The following TPRA1 variants were observed in gnomAD, a reference collection of about 807,000 sequenced individuals.
TPRA1 encodes transmembrane protein adipocyte associated 1.
A neutral mutation model predicts 40.1 loss-of-function variants in TPRA1; 28 were observed. That is an observed-to-expected ratio of 0.70 (90% CI 0.52 to 0.96). The LOEUF is 0.96. Ranked by LOEUF, TPRA1 falls within the 40% of genes least tolerant of loss-of-function variation. The probability of loss-of-function intolerance (pLI) is 0.00; values close to 1 mark genes in which losing one functional copy is unlikely to be tolerated. For missense variants in TPRA1, 441 were observed against 482.6 expected (o/e 0.91, Z 0.81); for synonymous variants, 219 against 209.7 (o/e 1.04, Z -0.38).
chr3:127,578,988 GAGCCCACACCCGAAGCCCACACCTGGAC>G lies in TPRA1; in HGVS notation c.258+724_258+751del, dbSNP rs568018613. Among the ~76,000 whole-genome samples the G allele has an allele frequency of 7.4e-3, 1,125 of 151,588 alleles. 13 individuals are homozygous for G. The highest frequency in any genetic ancestry group is 0.023 in the African/African-American group (961 of 41,304). On this transcript the variant is annotated intron_variant, in intron 3 of 10. Transcript: ENST00000355552. The stretch of plus-strand genomic sequence containing the variant: ...CCCGCACCGGAAGCCTACACCTGGA[GAGCCCACACCCGAAGCCCACACCTGGAC>G]AGCCCACACCTGAAGCCCACACCTG...
intron 10 of TPRA1, among the ~76,000 whole-genome samples, chr3:127,574,337 G>A (rs994114958): frequency 2.6e-5 from 4 of 152,238 alleles, no homozygotes; most frequent in African/African-American, 9.6e-5. Context: ...CCAGGTGGGA[G>A]GCTGATCCCC....
upstream of TPRA1, among the ~76,000 whole-genome samples, chr3:127,594,077 T>A (rs553179860): frequency 6.6e-6 from 1 of 152,358 alleles, no homozygotes; most frequent in Admixed American, 6.5e-5. Flanking sequence ...GAAAACTTGA[T>A]GAGACATATG....
chr3:127,581,014 C>T lies in TPRA1; in HGVS notation c.-17-851G>A, dbSNP rs112650372. Among the ~76,000 whole-genome samples, 107 of 152,258 alleles carry T rather than the reference C, an allele frequency of 7.0e-4. 1 individual carries two copies. Among genetic ancestry groups the T allele is most frequent in the African/African-American group, 2.5e-3 (102 of 41,532 alleles). On this transcript the variant is annotated intron_variant, in intron 1 of 10. Transcript: ENST00000355552. ...GAGTCTAGCCTGGAAGACAGGAGAG[C>T]TGGTGGTCTGGGGTCCTGGGAACCA...
rs770508144 is a variant in TPRA1 at position 127,573,677 on chromosome 3, A to G, written c.966T>C (p.Ala322=). 5.0e-6 allele frequency: 8 copies of G among 1,613,616 alleles called. No homozygotes were observed. Among genetic ancestry groups the G allele is most frequent in the Non-Finnish European group, 6.8e-6 (8 of 1,179,960 alleles). The part of the protein sequence containing the change: ...YAVARREGLE[A]AGAAGASAAS... ...CAGCTGAGGCCCCAGCAGCCCCTGC[A>G]GCCTCCAGGCCCTCCCGCCGGGCCA... Residue 322 remains alanine (A), a synonymous_variant, in exon 11 of 11, where the codon GCT becomes GCC. Transcript: ENST00000355552.
At chr3:127,575,639 G>C (rs2073586667) in intron 8 of TPRA1, 110 bp downstream of exon 8, 1 of 1,511,550 alleles carries the variant, frequency 6.6e-7, no homozygotes, top group African/African-American at 1.4e-5. Context: ...GGGCTCTCCA[G>C]CTCCCAGCCT....
intron 3 of TPRA1, among the ~76,000 whole-genome samples, chr3:127,577,933 C>A (rs2107632925): frequency 6.6e-6 from 1 of 152,296 alleles, no homozygotes; most frequent in Non-Finnish European, 1.5e-5. Context: ...AGACGGACAG[C>A]ATGCAAGCCT....
chr3:127,589,433 G>A lies in TPRA1; in HGVS notation c.-18+977C>T, dbSNP rs186190174. ...GGGCCTAAGGGTGGTGAGAAGGGGTGGAGCCCAGGGGTGACAAGGTGGGGA... is the reference window on the plus strand; with the variant it reads ...GGGCCTAAGGGTGGTGAGAAGGGGTAGAGCCCAGGGGTGACAAGGTGGGGA... On this transcript the variant is annotated intron_variant, in intron 1 of 10. Coordinates refer to ENST00000355552, the MANE Select transcript of TPRA1 (RefSeq NM_001136053.4). Among the ~76,000 whole-genome samples the A allele has an allele frequency of 2.7e-3, 409 of 152,300 alleles. 2 individuals are homozygous for A. Among genetic ancestry groups the A allele is most frequent in the Non-Finnish European group, 4.1e-3 (280 of 68,012 alleles).
At chr3:127,590,312 G>T (rs894937004) in intron 1 of TPRA1, 98 bp downstream of exon 1, 1 of 152,232 alleles carries the variant, frequency 6.6e-6, no homozygotes, top group Non-Finnish European at 1.5e-5. Context: ...GCCGCTCGCG[G>T]AGCAAGGAGG....
intron 1 of TPRA1, chr3:127,587,973 C>A: frequency 6.6e-6 from 1 of 152,634 alleles, no homozygotes; most frequent in Non-Finnish European, 1.5e-5. Context: ...GTAGTAACCT[C>A]TGTGCCTAAC....
intron 1 of TPRA1, among the ~76,000 whole-genome samples, chr3:127,587,759 C>G (rs2074043093): frequency 6.6e-6 from 1 of 151,302 alleles, no homozygotes; most frequent in Non-Finnish European, 1.5e-5. Flanking sequence ...TCACTGCAAC[C>G]TCCACCTCCC....
rs751848757 is a variant in TPRA1, at chr3:127,575,895, G to A, written c.609+45C>T. Reference sequence around the variant, plus strand: ...AACCCAGGAATCCAATCCCTACCTGGCCCTAAGGCCCCAGCCACCCCAGCT... The same window carrying A: ...AACCCAGGAATCCAATCCCTACCTGACCCTAAGGCCCCAGCCACCCCAGCT... On this transcript the variant is annotated intron_variant, in intron 7 of 10. Transcript: ENST00000355552. The A allele has an allele frequency of 8.1e-6, 13 of 1,609,752 alleles. No homozygotes were observed. In the South Asian group the frequency reaches 1.3e-4, roughly 16 times the overall value.
chr3:127,593,138 G>C (rs9809999), upstream of TPRA1, among the ~76,000 whole-genome samples: 11,116 of 152,250 alleles, frequency 0.073, 1,222 homozygotes, highest in African/African-American at 0.23. Flanking sequence ...AAAGGTATCT[G>C]CCTTTGAGAG....
At chr3:127,592,547 G>A (rs1202895842), upstream of TPRA1, among the ~76,000 whole-genome samples, 1 of 151,172 alleles carries the variant, frequency 6.6e-6, no homozygotes, top group Non-Finnish European at 1.5e-5. Flanking sequence ...CACCGCGCCC[G>A]GCTAATTTTT....
intron 10 of TPRA1, 55 bp downstream of exon 10, chr3:127,575,130 A>C: frequency 6.3e-7 from 1 of 1,576,944 alleles, no homozygotes; most frequent in Non-Finnish European, 8.7e-7. Context: ...CCATGCTGGA[A>C]GAAGGCGCAG....
At chr3:127,589,404 C>T (rs1416385426) in intron 1 of TPRA1, among the ~76,000 whole-genome samples, 2 of 147,560 alleles carry the variant, frequency 1.4e-5, no homozygotes, top group African/African-American at 5.0e-5. Flanking sequence ...GCTTACAAAC[C>T]CTAGGGCCTA....
chr3:127,581,591 T>C (rs923543714), intron 1 of TPRA1, among the ~76,000 whole-genome samples: 1 of 152,006 alleles, frequency 6.6e-6, no homozygotes, highest in Non-Finnish European at 1.5e-5. Flanking sequence ...TCCTAAGTCA[T>C]AGGTGTACTT....
At chr3:127,584,934 A>G (rs1214495554) in intron 1 of TPRA1, among the ~76,000 whole-genome samples, 1 of 152,098 alleles carries the variant, frequency 6.6e-6, no homozygotes, top group Non-Finnish European at 1.5e-5. Context: ...CGACAGTGGG[A>G]GCAAGAGCAG....
intron 3 of TPRA1, among the ~76,000 whole-genome samples, chr3:127,578,207 C>A (rs888858045): frequency 2.0e-5 from 3 of 152,224 alleles, no homozygotes; most frequent in Admixed American, 6.5e-5. Context: ...GTCAGCAGGG[C>A]AGGCAGTAAA....
rs1337876756 is a variant in TPRA1, at chr3:127,575,789, G to A, written c.630C>T (p.Ile210=). 6.2e-7 allele frequency: 1 copy of A among 1,613,866 alleles called. No homozygotes were observed. The highest frequency in any genetic ancestry group is 1.7e-5 in the Admixed American group (1 of 60,020). The part of the protein sequence containing the change: ...FFFLVYSLVV[I]LPKTPLKERI... The stretch of plus-strand genomic sequence containing the variant: ...GCTCCTTCAGCGGGGTCTTGGGAAG[G>A]ATGACCACCAGAGAGTAGACCTACA... The change falls in exon 8 of 11, where the codon ATC becomes ATT. Residue 210 remains isoleucine (I), a synonymous_variant. Transcript: ENST00000355552.
Sources: gnomAD v4.1 joint callset for allele counts (sites outside exome capture counted in the v4.1 genomes callset) on GRCh38, gnomAD v4.1.1 for gene constraint, MANE v1.5 for transcripts, NCBI Gene and HGNC (gene_info 2026-07-23, HGNC 2026-07-21) for gene names.